The following SRXN1 variants were observed in gnomAD, a reference collection of about 807,000 sequenced individuals.
SRXN1 encodes sulfiredoxin 1.
Under a neutral mutation model 11.0 loss-of-function variants are expected in SRXN1, and 11 were observed. That is an observed-to-expected ratio of 1.00 (90% confidence interval 0.63 to 1.65). The LOEUF is 1.65. Among genes scored for constraint, SRXN1 ranks in the 40% most tolerant of loss-of-function variants. SRXN1 has a pLI of 0.00. For synonymous variants in SRXN1, 106 were observed against 92.8 expected (o/e 1.14, Z -0.82); for missense variants, 211 against 194.5 (o/e 1.08, Z -0.50).
intron 1 of SRXN1, among the ~76,000 whole-genome samples, chr20:650,874 A>C (rs1289582000): frequency 6.6e-6 from 1 of 152,266 alleles, no homozygotes; most frequent in Non-Finnish European, 1.5e-5. Context: ...GGCCAGAATG[A>C]TGGCTCCCAA....
At chr20:652,908 TCCCTCCTCC>T (rs1983710519) in intron 1 of SRXN1, 59 bp downstream of exon 1, 8 of 920,628 alleles carry the variant, frequency 8.7e-6, no homozygotes, top group Middle Eastern at 3.5e-4. Context: ...CGCAGCGACC[TCCCTCCTCC>T]GGCAACCTCC....
chr20:648,964 G>C (rs372501610), intron 1 of SRXN1, 47 bp from the exon 2 acceptor site: 3 of 1,600,134 alleles, frequency 1.9e-6, no homozygotes, highest in South Asian at 2.2e-5. Context: ...CAAGGCTTGA[G>C]AGTTTGTAAA....
intron 1 of SRXN1, 98 bp from the exon 2 acceptor site, chr20:649,015 T>C (rs1983609282): frequency 3.9e-6 from 5 of 1,280,286 alleles, no homozygotes; most frequent in Middle Eastern, 1.9e-4. Flanking sequence ...TATAAGGTGA[T>C]CACACTGGAC....
rs766160202 is a variant in SRXN1, at chr20:648,689, G to A, written c.*25C>T. On this transcript the variant is annotated 3_prime_UTR_variant, in exon 2 of 2. Coordinates refer to ENST00000381962, the MANE Select transcript of SRXN1 (RefSeq NM_080725.3). ...AGGTGTGTCTTCTGGGCTCTTGAAGGTGGCAGCAGGTGCCAAGGAGGCTGC... is the reference window on the plus strand; with the variant it reads ...AGGTGTGTCTTCTGGGCTCTTGAAGATGGCAGCAGGTGCCAAGGAGGCTGC... 47 of 1,612,378 alleles carry A rather than the reference G, an allele frequency of 2.9e-5. No individual in the cohort carries two copies. The highest frequency in any genetic ancestry group is 3.6e-5 in the Non-Finnish European group (43 of 1,178,614).
Position 647,376 on chromosome 20 carries a change from C to T in SRXN1, c.*1338G>A, listed in dbSNP as rs1314532381. On this transcript the variant is annotated 3_prime_UTR_variant, in exon 2 of 2. Coordinates refer to ENST00000381962, the MANE Select transcript of SRXN1 (RefSeq NM_080725.3). Reference sequence around the variant, plus strand: ...AATGGCCACAAGCTCTTTGTGGTTCCCCTCATCAAGACATGTAGTCTGTTT... The same window carrying T: ...AATGGCCACAAGCTCTTTGTGGTTCTCCTCATCAAGACATGTAGTCTGTTT... 6.6e-6 allele frequency: 1 copy of T among 152,196 alleles called. No individual in the cohort carries two copies. Among genetic ancestry groups the T allele is most frequent in the East Asian group, 1.9e-4 (1 of 5,202 alleles). The allele number at this position is 152,196 out of a possible 1,614,324, so 9.4% of individuals were successfully genotyped here. A position where few individuals can be genotyped will look rare whatever the true frequency, so the allele number is the denominator to read the frequency against.
At chr20:652,651 G>T (rs943556774) in intron 1 of SRXN1, among the ~76,000 whole-genome samples, 1 of 151,816 alleles carries the variant, frequency 6.6e-6, no homozygotes, top group Admixed American at 6.5e-5. Flanking sequence ...CTCAGTTCTC[G>T]TCTGCAAAAG....
intron 1 of SRXN1, among the ~76,000 whole-genome samples, chr20:652,748 C>A (rs1490557364): frequency 1.3e-5 from 2 of 152,192 alleles, no homozygotes; most frequent in Non-Finnish European, 2.9e-5. Context: ...GCGTTATAAG[C>A]GTTATCATCA....
At chr20:652,729 C>T (rs1983704916) in intron 1 of SRXN1, among the ~76,000 whole-genome samples, 1 of 152,368 alleles carries the variant, frequency 6.6e-6, no homozygotes, top group South Asian at 2.1e-4. Context: ...TGGACCACTG[C>T]AAGCACTAGC....
At position 648,077 on chromosome 20, in the gene SRXN1, T is replaced by C. The variant is rs182388707; in HGVS notation, c.*637A>G. The C allele has an allele frequency of 1.4e-4, 62 of 456,326 alleles. No homozygotes were observed. The Admixed American group carries it at 1.4e-3, about 11-fold the overall frequency. 28.3% of individuals were successfully genotyped at this position (456,326 alleles called of 1,614,324 possible). ...AGGAAACAGACTTCTGACGAGGTTT[T>C]ACTTTCTGATAGAAGGTGACGGGTC... On this transcript the variant is annotated 3_prime_UTR_variant, in exon 2 of 2. Transcript: ENST00000381962.
At position 648,235 on chromosome 20, in the gene SRXN1, G is replaced by C; in HGVS notation, c.*479C>G. 1 of 456,498 alleles carries C rather than the reference G, an allele frequency of 2.2e-6. No homozygotes were observed. The highest frequency in any genetic ancestry group is 4.4e-6 in the Non-Finnish European group (1 of 227,112). 28.3% of individuals were successfully genotyped at this position (456,498 alleles called of 1,614,324 possible). A position where few individuals can be genotyped will look rare whatever the true frequency, so the allele number is the denominator to read the frequency against. On this transcript the variant is annotated 3_prime_UTR_variant, in exon 2 of 2. Coordinates refer to ENST00000381962, the MANE Select transcript of SRXN1 (RefSeq NM_080725.3). Reference sequence around the variant, plus strand: ...ATTAAGGCAAAAGGATCCAAGACGTGACCCCTACCTTCGTGGAGTTGTTGA... The same window carrying C: ...ATTAAGGCAAAAGGATCCAAGACGTCACCCCTACCTTCGTGGAGTTGTTGA...
chr20:649,330 C>T (rs1212096575), intron 1 of SRXN1, among the ~76,000 whole-genome samples: 1 of 152,146 alleles, frequency 6.6e-6, no homozygotes, highest in Non-Finnish European at 1.5e-5. Context: ...GCTATAATGA[C>T]AATAACACAG....
In SRXN1 at chr20:647,111, T is replaced by C. The variant is rs1453503182; in HGVS notation, c.*1603A>G. On this transcript the variant is annotated 3_prime_UTR_variant, in exon 2 of 2. Coordinates refer to ENST00000381962, the MANE Select transcript of SRXN1 (RefSeq NM_080725.3). Reference sequence around the variant, plus strand: ...AGAAGCCCCTCTGGAATGTCCTACCTGGCCTAACCCCATACCAGCAGTGCA... The same window carrying C: ...AGAAGCCCCTCTGGAATGTCCTACCCGGCCTAACCCCATACCAGCAGTGCA... 6.6e-6 allele frequency: 1 copy of C among 152,304 alleles called. No individual in the cohort carries two copies. Among genetic ancestry groups the C allele is most frequent in the Admixed American group, 6.5e-5 (1 of 15,268 alleles). 9.4% of individuals were successfully genotyped at this position (152,304 alleles called of 1,614,324 possible).
chr20:648,806 G>C lies in SRXN1; in HGVS notation c.322C>G (p.Leu108Val). 1 of 1,614,234 alleles carries C rather than the reference G, an allele frequency of 6.2e-7. No individual in the cohort carries two copies. Among genetic ancestry groups the C allele is most frequent in the Non-Finnish European group, 8.5e-7 (1 of 1,180,036 alleles). The part of the protein sequence containing the change: ...GCHRYAAYQQ[L>V]QRETIPAKLV... ...TTGGCGGGGATGGTCTCTCGCTGCA[G>C]TTGCTGGTAGGCCGCGTAGCGGTGG... Residue 108 changes from leucine (L) to valine (V), a missense_variant, in exon 2 of 2, where the codon CTG (leucine) becomes GTG (valine). Transcript: ENST00000381962.
At position 648,786 on chromosome 20, in the gene SRXN1, G is replaced by T. The variant is rs140766738; in HGVS notation, c.342C>A (p.Pro114=). 6.2e-7 allele frequency: 1 copy of T among 1,614,224 alleles called. No individual in the cohort carries two copies. The highest frequency in any genetic ancestry group is 1.7e-5 in the Admixed American group (1 of 60,032). Residue 114 remains proline (P), a synonymous_variant, in exon 2 of 2, where the codon CCC becomes CCA. Coordinates refer to ENST00000381962, the MANE Select transcript of SRXN1 (RefSeq NM_080725.3). ...AYQQLQRETI[P]AKLVQSTLSD... is the part of the protein sequence containing the mutation. ...AGAGAGTGGACTGGACAAGCTTGGC[G>T]GGGATGGTCTCTCGCTGCAGTTGCT...
intron 1 of SRXN1, 49 bp from the exon 2 acceptor site, chr20:648,966 G>A (rs763863207): frequency 6.3e-7 from 1 of 1,596,232 alleles, no homozygotes; most frequent in South Asian, 1.1e-5. Flanking sequence ...AGGCTTGAGA[G>A]TTTGTAAAGC....
At chr20:648,992 G>T (rs1983608591) in intron 1 of SRXN1, 75 bp from the exon 2 acceptor site, 2 of 1,501,128 alleles carry the variant, frequency 1.3e-6, no homozygotes, top group Admixed American at 1.9e-5. Flanking sequence ...TTGTCCACTT[G>T]TGCTGAGCTC....
intron 1 of SRXN1, 21 bp downstream of exon 1, chr20:652,955 C>T (rs118027450): frequency 0.014 from 19,871 of 1,431,454 alleles, 850 homozygotes; most frequent in South Asian, 0.14. Flanking sequence ...CTCCGGTTGG[C>T]TGGACTCCCC....
In SRXN1 at chr20:648,842, A is replaced by G; in HGVS notation, c.286T>C (p.Phe96Leu). Residue 96 changes from phenylalanine to leucine, a missense_variant, in exon 2 of 2, where the codon TTT (phenylalanine) becomes CTT (leucine). Phe to Leu is a conservative substitution (Grantham distance 22, BLOSUM62 0). Transcript: ENST00000381962. ...GCCGCGTAGCGGTGGCAGCCCCCAA[A>G]GGAGTAGAAGTAGTCACCTCCCTGG... ...GAQGGDYFYS[F>L]GGCHRYAAYQ... The G allele has an allele frequency of 6.2e-7, 1 of 1,614,192 alleles. No individual in the cohort carries two copies. The highest frequency in any genetic ancestry group is 8.5e-7 in the Non-Finnish European group (1 of 1,180,038).
At position 648,442 on chromosome 20, in the gene SRXN1, C is replaced by A. The variant is rs778519210; in HGVS notation, c.*272G>T. 1.6e-6 allele frequency: 1 copy of A among 617,332 alleles called. No homozygotes were observed. Among genetic ancestry groups the A allele is most frequent in the South Asian group, 1.5e-5 (1 of 65,900 alleles). The allele number at this position is 617,332 out of a possible 1,614,324, so 38.2% of individuals were successfully genotyped here. A position where few individuals can be genotyped will look rare whatever the true frequency, so the allele number is the denominator to read the frequency against. On this transcript the variant is annotated 3_prime_UTR_variant, in exon 2 of 2. Coordinates refer to ENST00000381962, the MANE Select transcript of SRXN1 (RefSeq NM_080725.3). ...CCTTGGGAATTTGGAGCCGGCAGCA[C>A]GTGGCTCTTCAAGCCCATCTCTGTT...
Sources: allele counts gnomAD v4.1 joint callset (sites outside exome capture counted in the v4.1 genomes callset), GRCh38; gene constraint gnomAD v4.1.1; transcripts MANE v1.5; gene names NCBI Gene and HGNC (gene_info 2026-07-23, HGNC 2026-07-21).